GLI3: variants seen among roughly 807,000 people sequenced by gnomAD.
The protein encoded by GLI3 is transcription activator GLI3.
Under a neutral mutation model 100.8 loss-of-function variants are expected in GLI3, and 20 were observed. The ratio of observed to expected loss-of-function variants is 0.20; its 90% confidence interval spans 0.14 to 0.29. The LOEUF is 0.29. Ranked by LOEUF, GLI3 falls within the 10% of genes least tolerant of loss-of-function variation. The pLI is 1.00. For missense variants in GLI3, 2,040 were observed against 2,128.5 expected (o/e 0.96, Z 0.82); for synonymous variants, 938 against 860.5 (o/e 1.09, Z -1.58).
chr7:42,121,553 T>A (rs1407467592), intron 3 of GLI3, among the ~76,000 whole-genome samples: 1 of 152,208 alleles, frequency 6.6e-6, no homozygotes, highest in Non-Finnish European at 1.5e-5. Flanking sequence ...GACAACATTA[T>A]CTCCATGTAG....
In GLI3 at chr7:42,152,362, C is replaced by A. The variant is rs1273637321; in HGVS notation, c.125-3894G>T. 3.1e-6 allele frequency: 3 copies of A among 982,218 alleles called. No individual in the cohort carries two copies. In the East Asian group the frequency reaches 3.4e-4, roughly 112 times the overall value. The allele number at this position is 982,218 out of a possible 1,614,324, so 60.8% of individuals were successfully genotyped here. ...AACAGACAATACTTACAACACAGTC[C>A]CCAGGCTCTGGCTAGCTACTTTGCG... On this transcript the variant is annotated intron_variant, in intron 2 of 14. Coordinates refer to ENST00000395925, the MANE Select transcript of GLI3 (RefSeq NM_000168.6).
chr7:42,235,456 C>G (rs756835543), intron 1 of GLI3, among the ~76,000 whole-genome samples: 8 of 152,272 alleles, frequency 5.3e-5, no homozygotes, highest in Admixed American at 3.3e-4. Flanking sequence ...GCCCAATGCG[C>G]TCAAGCTGAA....
intron 7 of GLI3, among the ~76,000 whole-genome samples, chr7:42,027,387 T>C (rs1261962469): frequency 1.3e-5 from 2 of 152,170 alleles, no homozygotes; most frequent in Non-Finnish European, 2.9e-5. Context: ...TATATATATA[T>C]GTATGTATTT....
intron 1 of GLI3, among the ~76,000 whole-genome samples, chr7:42,263,402 C>G (rs1028938940): frequency 1.3e-5 from 2 of 151,852 alleles, no homozygotes; most frequent in African/African-American, 4.8e-5. Context: ...ATTCTTGCAC[C>G]TTTTGATTTT....
At chr7:42,191,060 C>T (rs1253819934) in intron 2 of GLI3, among the ~76,000 whole-genome samples, 2 of 151,892 alleles carry the variant, frequency 1.3e-5, no homozygotes, top group African/African-American at 4.8e-5. Context: ...TAGTTATGGT[C>T]ATTATTAATC....
chr7:42,084,563 C>A (rs1785062928), intron 3 of GLI3, among the ~76,000 whole-genome samples: 1 of 152,196 alleles, frequency 6.6e-6, no homozygotes, highest in African/African-American at 2.4e-5. Flanking sequence ...ATGCATCCAA[C>A]ATTTTTGTTG....
chr7:42,210,349 C>CG (rs1362999718), intron 2 of GLI3, among the ~76,000 whole-genome samples: 1 of 136,618 alleles, frequency 7.3e-6, no homozygotes, highest in African/African-American at 2.8e-5. Context: ...CCCCCCCCCC[C>CG]CCCCCAAGTT....
intron 2 of GLI3, among the ~76,000 whole-genome samples, chr7:42,207,319 A>G (rs1276943995): frequency 6.6e-6 from 1 of 152,192 alleles, no homozygotes. Context: ...GGCTCTGTTT[A>G]CATGGTGTGT....
chr7:42,167,672 A>G (rs75731718), intron 2 of GLI3, among the ~76,000 whole-genome samples: 6,086 of 152,296 alleles, frequency 0.04, 386 homozygotes, highest in African/African-American at 0.14. Flanking sequence ...TTTATGTAGC[A>G]CATGCTTTTG....
chr7:42,071,982 GA>G (rs917534434), intron 4 of GLI3, among the ~76,000 whole-genome samples: 99 of 150,432 alleles, frequency 6.6e-4, no homozygotes, highest in African/African-American at 2.2e-3. Context: ...ACTCAACAAA[GA>G]AAAAAAAAGG....
Position 42,111,055 on chromosome 7 carries a change from A to G in GLI3, c.368-34198T>C, listed in dbSNP as rs551672962. Among the ~76,000 whole-genome samples, 9 of 152,354 alleles carry G rather than the reference A, an allele frequency of 5.9e-5. No individual in the cohort carries two copies. The East Asian group carries it at 1.7e-3, about 29-fold the overall frequency. ...CTTCTGTAAGCCTCAATCTTCTTCTATAATTACTACCAGAGTAGGAAAAGC... is the reference window on the plus strand; with the variant it reads ...CTTCTGTAAGCCTCAATCTTCTTCTGTAATTACTACCAGAGTAGGAAAAGC... On this transcript the variant is annotated intron_variant, in intron 3 of 14. Coordinates refer to ENST00000395925, the MANE Select transcript of GLI3 (RefSeq NM_000168.6).
At chr7:42,118,204 A>AT (rs1194518956) in intron 3 of GLI3, 1 of 397,262 alleles carries the variant, frequency 2.5e-6, no homozygotes, top group Non-Finnish European at 4.4e-6. Flanking sequence ...CCTTTCCATT[A>AT]TTTTTTATTT....
At chr7:42,196,405 T>C (rs1333815886) in intron 2 of GLI3, among the ~76,000 whole-genome samples, 1 of 152,184 alleles carries the variant, frequency 6.6e-6, no homozygotes, top group African/African-American at 2.4e-5. Context: ...ACTAAATATT[T>C]TCTCTACCTA....
chr7:42,085,460 G>A (rs1269789043), intron 3 of GLI3, among the ~76,000 whole-genome samples: 1 of 152,102 alleles, frequency 6.6e-6, no homozygotes, highest in Non-Finnish European at 1.5e-5. Context: ...TTCCCAAAAC[G>A]TTATTATTAT....
intron 2 of GLI3, among the ~76,000 whole-genome samples, chr7:42,168,854 G>C (rs1408125224): frequency 2.0e-5 from 3 of 152,070 alleles, no homozygotes; most frequent in African/African-American, 4.8e-5. Context: ...GGAGGTTAAG[G>C]CTGCAGTGAG....
chr7:42,055,613 C>G (rs146724980), intron 4 of GLI3, among the ~76,000 whole-genome samples: 273 of 152,244 alleles, frequency 1.8e-3, no homozygotes, highest in African/African-American at 6.4e-3. Context: ...AGGGGCTTTA[C>G]TATTACTTGT....
chr7:42,056,025 T>G (rs966537438), intron 4 of GLI3, among the ~76,000 whole-genome samples: 7 of 152,070 alleles, frequency 4.6e-5, no homozygotes, highest in East Asian at 1.9e-4. Flanking sequence ...AGAGGGGAGT[T>G]TCCCTGCACG....
intron 10 of GLI3, among the ~76,000 whole-genome samples, chr7:41,982,859 A>G (rs924067161): frequency 6.6e-6 from 1 of 152,178 alleles, no homozygotes; most frequent in African/African-American, 2.4e-5. Flanking sequence ...CAATTCACCT[A>G]TTTGGCCCTT....
chr7:42,059,885 G>A (rs1583519935), intron 4 of GLI3, among the ~76,000 whole-genome samples: 1 of 152,258 alleles, frequency 6.6e-6, no homozygotes, highest in East Asian at 1.9e-4. Flanking sequence ...GGCCACGGCA[G>A]AGGCCAATCC....
Sources: allele counts gnomAD v4.1 joint callset (sites outside exome capture counted in the v4.1 genomes callset), GRCh38; gene constraint gnomAD v4.1.1; transcripts MANE v1.5; gene names NCBI Gene and HGNC (gene_info 2026-07-23, HGNC 2026-07-21).